The following PPFIBP2 variants were observed in gnomAD, a reference collection of about 807,000 sequenced individuals.
The protein encoded by PPFIBP2 is PPFIB scaffold protein 2.
A neutral mutation model predicts 118.3 loss-of-function variants in PPFIBP2; 118 were observed. The observed-to-expected ratio is 1.00, with a 90% confidence interval of 0.86 to 1.16. PPFIBP2 has a LOEUF of 1.16. Ranked by LOEUF, PPFIBP2 falls within the 50% of genes most tolerant of loss-of-function variation. PPFIBP2 has a pLI of 0.00. For synonymous variants in PPFIBP2, 414 were observed against 397.4 expected (o/e 1.04, Z -0.50); for missense variants, 1,195 against 1,073.1 (o/e 1.11, Z -1.59).
At chr11:7,576,151 C>T (rs1856293305) in intron 3 of PPFIBP2, among the ~76,000 whole-genome samples, 1 of 152,250 alleles carries the variant, frequency 6.6e-6, no homozygotes, top group Admixed American at 6.5e-5. Context: ...GCTCTTCAGA[C>T]TGGGAGTTCC....
intron 5 of PPFIBP2, among the ~76,000 whole-genome samples, chr11:7,603,832 T>C (rs1846977700): frequency 1.3e-5 from 2 of 152,110 alleles, no homozygotes; most frequent in Non-Finnish European, 2.9e-5. Context: ...TCATGGTCCA[T>C]CACAGTAAGT....
chr11:7,631,134 G>T, intron 11 of PPFIBP2, 106 bp downstream of exon 11: 1 of 827,934 alleles, frequency 1.2e-6, no homozygotes, highest in South Asian at 1.4e-5. Context: ...CATCTTGGCA[G>T]GTGAATACTT....
chr11:7,539,852 A>G (rs1395310864), intron 1 of PPFIBP2, among the ~76,000 whole-genome samples: 1 of 152,230 alleles, frequency 6.6e-6, no homozygotes, highest in African/African-American at 2.4e-5. Flanking sequence ...GCTGGGGACA[A>G]TAGCTTGGCT....
At chr11:7,662,429 A>C in the PPFIBP2 span, among the ~76,000 whole-genome samples, 2 of 152,054 alleles carry the variant, frequency 1.3e-5, no homozygotes, top group Non-Finnish European at 2.9e-5. Flanking sequence ...CTGGATGTGA[A>C]ATTCTGGGTT....
intron 2 of PPFIBP2, among the ~76,000 whole-genome samples, chr11:7,559,320 T>A (rs1162067279): frequency 6.6e-6 from 1 of 152,298 alleles, no homozygotes; most frequent in African/African-American, 2.4e-5. Context: ...ACATTTTTTT[T>A]ATTTGTTTTC....
intron 5 of PPFIBP2, among the ~76,000 whole-genome samples, chr11:7,602,087 C>CAAAA (rs201003988): frequency 3.2e-3 from 181 of 56,028 alleles, no homozygotes; most frequent in Non-Finnish European, 3.9e-3. Context: ...GAATGAAACT[C>CAAAA]AAAAAAAAAA....
chr11:7,652,231 CTGCTGATATAGG>C (rs1226613565), intron 23 of PPFIBP2, among the ~76,000 whole-genome samples: 8 of 152,218 alleles, frequency 5.3e-5, no homozygotes, highest in Non-Finnish European at 1.2e-4. Flanking sequence ...CAAAGCTGTC[CTGCTGATATAGG>C]AAGTGCTTCC....
rs536693754 is a variant in PPFIBP2, at chr11:7,616,534, G to A, written c.619-4401G>A. The stretch of plus-strand genomic sequence containing the variant: ...GTAGACCAGGTAAATCCACATTTCA[G>A]TGAAGTGTTGCAAAAACGTTGCTTG... On this transcript the variant is annotated intron_variant, in intron 6 of 23. Transcript: ENST00000299492. This position sits in a 1 kb window ranked among gnomAD's most constrained non-coding sequence, Gnocchi z 5.2. 6.6e-6 allele frequency among the ~76,000 whole-genome samples: 1 copy of A among 152,326 alleles called. No homozygotes were observed. Among genetic ancestry groups the A allele is most frequent in the East Asian group, 1.9e-4 (1 of 5,178 alleles).
chr11:7,664,929 G>T, the PPFIBP2 span, among the ~76,000 whole-genome samples: 30,122 of 151,670 alleles, frequency 0.2, 3,273 homozygotes, highest in East Asian at 0.46. Context: ...ATGACCCCTA[G>T]TGCCATGGAG....
At chr11:7,538,426 C>T (rs948707570) in intron 1 of PPFIBP2, 2 of 152,722 alleles carry the variant, frequency 1.3e-5, no homozygotes, top group African/African-American at 4.8e-5. Flanking sequence ...ACTGAATGCC[C>T]TGCTGTTGTG....
chr11:7,571,158 C>T (rs1039348246), intron 3 of PPFIBP2, among the ~76,000 whole-genome samples: 5 of 152,200 alleles, frequency 3.3e-5, no homozygotes, highest in African/African-American at 1.2e-4. Context: ...TAAGTGCTCA[C>T]CTCTGATAGC....
At chr11:7,520,627 A>G (rs1040220521) in intron 1 of PPFIBP2, among the ~76,000 whole-genome samples, 3 of 152,140 alleles carry the variant, frequency 2.0e-5, no homozygotes, top group African/African-American at 4.8e-5. Flanking sequence ...ACAACTGATA[A>G]CACTTGTTCC....
chr11:7,641,386 A>C, intron 15 of PPFIBP2, 93 bp from the exon 16 acceptor site: 1 of 1,382,092 alleles, frequency 7.2e-7, no homozygotes, highest in Non-Finnish European at 1.0e-6. Flanking sequence ...GATTCTCTGG[A>C]CTCCCACTGA....
chr11:7,592,148 C>T (rs1255092823), intron 3 of PPFIBP2, among the ~76,000 whole-genome samples: 1 of 152,164 alleles, frequency 6.6e-6, no homozygotes, highest in Non-Finnish European at 1.5e-5. Context: ...GCAATCAGAT[C>T]TACTTTTTCA....
rs148534927 is a variant in PPFIBP2, at chr11:7,537,004, T to C, written c.-36-12436T>C. The stretch of plus-strand genomic sequence containing the variant: ...ACAGGCTGGCAGACCATGGTTATAC[T>C]TGGGGAGGGGAATCCAGAGAGATCC... On this transcript the variant is annotated intron_variant, in intron 1 of 23. Transcript: ENST00000299492. Among the ~76,000 whole-genome samples, 1,204 of 152,202 alleles carry C rather than the reference T, an allele frequency of 7.9e-3. 39 individuals are homozygous for C. The highest frequency in any genetic ancestry group is 0.058 in the Admixed American group (889 of 15,294).
intron 5 of PPFIBP2, among the ~76,000 whole-genome samples, chr11:7,606,886 A>ATTGTTTTTT (rs1847409018): frequency 1.9e-5 from 1 of 51,352 alleles, no homozygotes; most frequent in Non-Finnish European, 3.7e-5. Context: ...AACTGCATGA[A>ATTGTTTTTT]TTTTTTTTTT....
chr11:7,638,189 CAG>C (rs1241191515), intron 14 of PPFIBP2, among the ~76,000 whole-genome samples: 5 of 152,314 alleles, frequency 3.3e-5, no homozygotes, highest in African/African-American at 1.2e-4. Context: ...GGGACTGAAT[CAG>C]GGACTGGGCA....
At chr11:7,628,767 G>A (rs558453903) in intron 9 of PPFIBP2, among the ~76,000 whole-genome samples, 8 of 152,284 alleles carry the variant, frequency 5.3e-5, no homozygotes, top group South Asian at 2.1e-4. Context: ...TATATCCTTC[G>A]CATCTAATTT....
At chr11:7,595,836 C>G (rs1860183700) in intron 4 of PPFIBP2, among the ~76,000 whole-genome samples, 1 of 151,614 alleles carries the variant, frequency 6.6e-6, no homozygotes, top group Non-Finnish European at 1.5e-5. Context: ...AAAACAAAAC[C>G]AGAATCTCTT....
Sources: gnomAD v4.1 joint callset for allele counts (sites outside exome capture counted in the v4.1 genomes callset) on GRCh38, gnomAD v4.1.1 for gene constraint, Gnocchi (gnomAD v3.1) non-coding constraint, MANE v1.5 for transcripts, NCBI Gene and HGNC (gene_info 2026-07-23, HGNC 2026-07-21) for gene names.